The following OR5I1 variants were observed in gnomAD, a reference collection of about 807,000 sequenced individuals.
The protein encoded by OR5I1 is olfactory receptor 5I1.
For synonymous variants in OR5I1, 163 were observed against 145.5 expected (o/e 1.12, Z -0.87); for missense variants, 425 against 367.6 (o/e 1.16, Z -1.28).
chr11:55,936,065 T>C lies in OR5I1; in HGVS notation c.336A>G (p.Thr112=), dbSNP rs769965897. The C allele has an allele frequency of 6.2e-7, 1 of 1,611,596 alleles. No individual in the cohort carries two copies. The change falls in exon 1 of 1, where the codon ACA becomes ACG. Residue 112 remains threonine (T), a synonymous_variant. Coordinates refer to ENST00000301532, the MANE Select transcript of OR5I1 (RefSeq NM_006637.1). ...QFYFFCTFAD[T]ESFILAAMAY... ...CCATGGCGGCCAGGATGAAGGATTC[T>C]GTATCTGCAAAAGTACAGAAAAAAT...
Position 55,935,715 on chromosome 11 carries a change from T to C in OR5I1, c.686A>G (p.Lys229Arg). Residue 229 changes from lysine to arginine, a missense_variant, in exon 1 of 1, where the codon AAG becomes AGG. Lys to Arg is a conservative substitution (Grantham distance 26). Coordinates refer to ENST00000301532, the MANE Select transcript of OR5I1 (RefSeq NM_006637.1). ...CTTCCTCCCACTGAAAGAGCGGATC[T>C]TTAAGACTGAGAGAAGAATGAAAAA... Reference protein sequence around the residue: ...SYFFILLSVLKIRSFSGRKKT... With the variant: ...SYFFILLSVLRIRSFSGRKKT... 1 of 1,609,360 alleles carries C rather than the reference T, an allele frequency of 6.2e-7. No individual in the cohort carries two copies. The highest frequency in any genetic ancestry group is 1.1e-5 in the South Asian group (1 of 90,758).
rs770379479 is a variant in OR5I1 at position 55,936,158 on chromosome 11, G to C, written c.243C>G (p.Pro81=). 2 of 1,612,112 alleles carry C rather than the reference G, an allele frequency of 1.2e-6. No homozygotes were observed. The highest frequency in any genetic ancestry group is 1.7e-6 in the Non-Finnish European group (2 of 1,178,938). The change falls in exon 1 of 1, where the codon CCC becomes CCG. Residue 81 remains proline (P), a synonymous_variant. Transcript: ENST00000301532. Reference sequence around the variant, plus strand: ...CCGAGAGGAAATTGACCAGCATTTTGGGAACAATGTCTGAGAAATAGCAAA... The same window carrying C: ...CCGAGAGGAAATTGACCAGCATTTTCGGAACAATGTCTGAGAAATAGCAAA... ...VDLCYFSDIV[P]KMLVNFLSEN...
At position 55,935,555 on chromosome 11, in the gene OR5I1, A is replaced by G. The variant is rs768731866; in HGVS notation, c.846T>C (p.Ile282=). The change falls in exon 1 of 1, where the codon ATT becomes ATC. Residue 282 remains isoleucine (I), a synonymous_variant. Coordinates refer to ENST00000301532, the MANE Select transcript of OR5I1 (RefSeq NM_006637.1). ...TDKIISVFYT[I]FIPVLNPLIY... Reference sequence around the variant, plus strand: ...TCAACGGATTCAGCACTGGAATGAAAATGGTGTAGAACACTGAGATAATTT... The same window carrying G: ...TCAACGGATTCAGCACTGGAATGAAGATGGTGTAGAACACTGAGATAATTT... 7 of 1,611,294 alleles carry G rather than the reference A, an allele frequency of 4.3e-6. No individual in the cohort carries two copies. The Admixed American group carries it at 1.2e-4, about 27-fold the overall frequency.
chr11:55,935,536 G>T lies in OR5I1; in HGVS notation c.865C>A (p.Pro289Thr). Residue 289 changes from proline (P) to threonine (T), a missense_variant, in exon 1 of 1, where the codon CCG becomes ACG. Coordinates refer to ENST00000301532, the MANE Select transcript of OR5I1 (RefSeq NM_006637.1). ...TTATTTCTCAAACTATAAATCAACG[G>T]ATTCAGCACTGGAATGAAAATGGTG... is the stretch of plus-strand genomic sequence containing the variant. ...FYTIFIPVLN[P>T]LIYSLRNKDV... is the part of the protein sequence containing the mutation. The T allele has an allele frequency of 6.2e-7, 1 of 1,610,594 alleles. No homozygotes were observed. The highest frequency in any genetic ancestry group is 2.2e-5 in the East Asian group (1 of 44,800).
rs1168985788 is a variant in OR5I1, at chr11:55,936,200, G to A, written c.201C>T (p.Asn67=). The part of the protein sequence containing the change: ...LQTPMYFFLS[N]LSFVDLCYFS... ...AATAGCAAAGGTCTACAAATGATAG[G>A]TTGCTAAGGAAAAAATACATGGGGG... Residue 67 remains asparagine, a synonymous_variant, in exon 1 of 1, where the codon AAC becomes AAT. Transcript: ENST00000301532. 6.2e-7 allele frequency: 1 copy of A among 1,612,108 alleles called. No homozygotes were observed. The highest frequency in any genetic ancestry group is 8.5e-7 in the Non-Finnish European group (1 of 1,178,920).
Position 55,935,770 on chromosome 11 carries a change from T to C in OR5I1, c.631A>G (p.Ile211Val), listed in dbSNP as rs1195758659. 4.3e-6 allele frequency: 7 copies of C among 1,609,734 alleles called. No homozygotes were observed. Among genetic ancestry groups the C allele is most frequent in the African/African-American group, 2.7e-5 (2 of 74,566 alleles). The change falls in exon 1 of 1, where the codon ATT (isoleucine) becomes GTT (valine). Residue 211 changes from isoleucine to valine, a missense_variant. Physicochemically the swap from Ile to Val is conservative, Grantham distance 29. Transcript: ENST00000301532. ...LSTYGSSVEIICFIIIIISYF... is the reference protein window; with the variant it reads ...LSTYGSSVEIVCFIIIIISYF... ...GAGATGATGATGATGATAAAACAAA[T>C]GATTTCCACTGAGCTGCCGTATGTG...
rs9665863 is a variant in OR5I1 at position 55,935,534 on chromosome 11, C to T, written c.867G>A (p.Pro289=). The T allele has an allele frequency of 5.0e-6, 8 of 1,609,884 alleles. No individual in the cohort carries two copies. The highest frequency in any genetic ancestry group is 2.7e-5 in the African/African-American group (2 of 74,656). The part of the protein sequence containing the change: ...FYTIFIPVLN[P]LIYSLRNKDV... Reference sequence around the variant, plus strand: ...CTTTATTTCTCAAACTATAAATCAACGGATTCAGCACTGGAATGAAAATGG... The same window carrying T: ...CTTTATTTCTCAAACTATAAATCAATGGATTCAGCACTGGAATGAAAATGG... Residue 289 remains proline, a synonymous_variant, in exon 1 of 1, where the codon CCG becomes CCA. Transcript: ENST00000301532.
rs1855153871 is a variant in OR5I1 at position 55,935,545 on chromosome 11, C to A, written c.856G>T (p.Val286Leu). The A allele has an allele frequency of 6.2e-7, 1 of 1,611,032 alleles. No individual in the cohort carries two copies. The highest frequency in any genetic ancestry group is 2.2e-5 in the East Asian group (1 of 44,800). ...AAACTATAAATCAACGGATTCAGCA[C>A]TGGAATGAAAATGGTGTAGAACACT... ...ISVFYTIFIP[V>L]LNPLIYSLRN... is the part of the protein sequence containing the mutation. The change falls in exon 1 of 1, where the codon GTG (valine) becomes TTG (leucine). Residue 286 changes from valine to leucine, a missense_variant. Physicochemically the swap from Val to Leu is conservative, Grantham distance 32. Coordinates refer to ENST00000301532, the MANE Select transcript of OR5I1 (RefSeq NM_006637.1).
rs763309466 is a variant in OR5I1, at chr11:55,936,030, C to T, written c.371G>A (p.Arg124His). The T allele has an allele frequency of 4.8e-5, 78 of 1,611,810 alleles. No individual in the cohort carries two copies. The highest frequency in any genetic ancestry group is 2.2e-4 in the East Asian group (10 of 44,822). ...SFILAAMAYD[R>H]YVAICNPLLY... ...TAAAGGGTTACAGATGGCGACATAG[C>T]GATCATAGGCCATGGCGGCCAGGAT... The change falls in exon 1 of 1, where the codon CGC (arginine) becomes CAC (histidine). Residue 124 changes from arginine to histidine, a missense_variant. Physicochemically the swap from Arg to His is conservative, Grantham distance 29. Transcript: ENST00000301532.
At position 55,935,761 on chromosome 11, in the gene OR5I1, T is replaced by C. The variant is rs754398346; in HGVS notation, c.640A>G (p.Ile214Val). 135 of 1,609,148 alleles carry C rather than the reference T, an allele frequency of 8.4e-5. No individual in the cohort carries two copies. The highest frequency in any genetic ancestry group is 1.2e-4 in the Admixed American group (7 of 59,440). ...YGSSVEIICFIIIIISYFFIL... is the reference protein window; with the variant it reads ...YGSSVEIICFVIIIISYFFIL... ...AAAAAGTAGGAGATGATGATGATGA[T>C]AAAACAAATGATTTCCACTGAGCTG... The change falls in exon 1 of 1, where the codon ATC becomes GTC. Residue 214 changes from isoleucine to valine, a missense_variant. Ile to Val is a conservative substitution (Grantham distance 29). Transcript: ENST00000301532.
chr11:55,935,550 A>G lies in OR5I1; in HGVS notation c.851T>C (p.Ile284Thr). ...KIISVFYTIF[I>T]PVLNPLIYSL... is the part of the protein sequence containing the mutation. ...ATAAATCAACGGATTCAGCACTGGA[A>G]TGAAAATGGTGTAGAACACTGAGAT... Residue 284 changes from isoleucine (I) to threonine (T), a missense_variant, in exon 1 of 1, where the codon ATT becomes ACT. Physicochemically the swap from Ile to Thr is moderately conservative, Grantham distance 89 (BLOSUM62 -1). Transcript: ENST00000301532. The G allele has an allele frequency of 6.2e-7, 1 of 1,611,286 alleles. No individual in the cohort carries two copies. Among genetic ancestry groups the G allele is most frequent in the East Asian group, 2.2e-5 (1 of 44,794 alleles).
rs1386095519 is a variant in OR5I1, at chr11:55,936,335, G to A, written c.66C>T (p.Arg22=). 2 of 1,609,122 alleles carry A rather than the reference G, an allele frequency of 1.2e-6. No homozygotes were observed. Among genetic ancestry groups the A allele is most frequent in the Non-Finnish European group, 1.7e-6 (2 of 1,177,632 alleles). ...TEFILLGFPT[R]PELQIVLFLM... ...GGAACAGGACAATCTGCAGTTCAGG[G>A]CGAGTTGGAAAACCTAATAGAATAA... Residue 22 remains arginine (R), a synonymous_variant, in exon 1 of 1, where the codon CGC becomes CGT. Coordinates refer to ENST00000301532, the MANE Select transcript of OR5I1 (RefSeq NM_006637.1).
Position 55,936,212 on chromosome 11 carries a change from A to G in OR5I1, c.189T>C (p.Phe63=), listed in dbSNP as rs199577612. 1 of 1,612,244 alleles carries G rather than the reference A, an allele frequency of 6.2e-7. No individual in the cohort carries two copies. The highest frequency in any genetic ancestry group is 2.2e-5 in the East Asian group (1 of 44,814). ...CTACAAATGATAGGTTGCTAAGGAA[A>G]AAATACATGGGGGTTTGAAGGTGAG... ...IDPHLQTPMY[F]FLSNLSFVDL... The change falls in exon 1 of 1, where the codon TTT becomes TTC. Residue 63 remains phenylalanine, a synonymous_variant. Coordinates refer to ENST00000301532, the MANE Select transcript of OR5I1 (RefSeq NM_006637.1).
rs1290863161 is a variant in OR5I1 at position 55,935,893 on chromosome 11, A to G, written c.508T>C (p.Tyr170His). ...VHTSFAFILK[Y>H]CDKNVINHFF... ...TGATTAATAACATTTTTGTCACAAT[A>G]TTTCAGAATAAAGGCAAAGGATGTG... Residue 170 changes from tyrosine (Y) to histidine (H), a missense_variant, in exon 1 of 1, where the codon TAT becomes CAT. By Grantham distance (83) the Tyr-to-His change is moderately conservative. Transcript: ENST00000301532. The G allele has an allele frequency of 2.5e-6, 4 of 1,611,706 alleles. No homozygotes were observed. In the South Asian group the frequency reaches 4.4e-5, roughly 18 times the overall value.
At position 55,936,358 on chromosome 11, in the gene OR5I1, TA is replaced by T. The variant is rs778969869; in HGVS notation, c.42del (p.Phe14LeufsTer4). The T allele has an allele frequency of 6.3e-7, 1 of 1,599,266 alleles. No individual in the cohort carries two copies. Among genetic ancestry groups the T allele is most frequent in the Admixed American group, 1.7e-5 (1 of 57,704 alleles). ...GGGCGAGTTGGAAAACCTAATAGAA[TA>T]AACTCAGTGACCAACGTGTAGTTTC... The part of the protein sequence containing the change: ...TDRNYTLVTE[F>X]ILLGFPTRPE... On this transcript the variant is annotated frameshift_variant, in exon 1 of 1. Coordinates refer to ENST00000301532, the MANE Select transcript of OR5I1 (RefSeq NM_006637.1). LOFTEE classifies it low-confidence loss of function (END_TRUNC).
rs747286756 is a variant in OR5I1, at chr11:55,936,340, T to C, written c.61A>G (p.Thr21Ala). The C allele has an allele frequency of 2.2e-5, 35 of 1,608,254 alleles. No individual in the cohort carries two copies. Among genetic ancestry groups the C allele is most frequent in the Non-Finnish European group, 2.8e-5 (33 of 1,177,304 alleles). The change falls in exon 1 of 1, where the codon ACT (threonine) becomes GCT (alanine). Residue 21 changes from threonine to alanine, a missense_variant. By Grantham distance (58) the Thr-to-Ala change is moderately conservative (BLOSUM62 0). Coordinates refer to ENST00000301532, the MANE Select transcript of OR5I1 (RefSeq NM_006637.1). ...VTEFILLGFP[T>A]RPELQIVLFL... ...AGGACAATCTGCAGTTCAGGGCGAG[T>C]TGGAAAACCTAATAGAATAAACTCA...
chr11:55,935,609 G>C lies in OR5I1; in HGVS notation c.792C>G (p.Pro264=), dbSNP rs1855154911. 2.5e-6 allele frequency: 4 copies of C among 1,611,466 alleles called. No individual in the cohort carries two copies. Among genetic ancestry groups the C allele is most frequent in the Non-Finnish European group, 3.4e-6 (4 of 1,178,710 alleles). The change falls in exon 1 of 1, where the codon CCC becomes CCG. Residue 264 remains proline, a synonymous_variant. Coordinates refer to ENST00000301532, the MANE Select transcript of OR5I1 (RefSeq NM_006637.1). ...CAGTGTTTGGAGAATACAGGTAGCT[G>C]GGCCGTGAGTAAATAAAGAGGAGAG... ...QGTLLFIYSR[P]SYLYSPNTDK...
rs758297822 is a variant in OR5I1 at position 55,935,831 on chromosome 11, G to A, written c.570C>T (p.Ser190=). The stretch of plus-strand genomic sequence containing the variant: ...ACTCATTAATTGTTGTGTCAGTGCA[G>A]GATAGTTTAAGCAGGGGAGGGAGGT... The part of the protein sequence containing the change: ...FCDLPPLLKL[S]CTDTTINEWL... The change falls in exon 1 of 1, where the codon TCC becomes TCT. Residue 190 remains serine (S), a synonymous_variant. Transcript: ENST00000301532. 10 of 1,611,882 alleles carry A rather than the reference G, an allele frequency of 6.2e-6. No individual in the cohort carries two copies. The South Asian group carries it at 7.7e-5, about 12-fold the overall frequency.
chr11:55,936,351 A>G lies in OR5I1; in HGVS notation c.50T>C (p.Leu17Ser). The change falls in exon 1 of 1, where the codon TTA becomes TCA. Residue 17 changes from leucine to serine, a missense_variant. Physicochemically the swap from Leu to Ser is moderately radical, Grantham distance 145. Transcript: ENST00000301532. ...NYTLVTEFIL[L>S]GFPTRPELQI... Reference sequence around the variant, plus strand: ...CAGTTCAGGGCGAGTTGGAAAACCTAATAGAATAAACTCAGTGACCAACGT... The same window carrying G: ...CAGTTCAGGGCGAGTTGGAAAACCTGATAGAATAAACTCAGTGACCAACGT... The G allele has an allele frequency of 1.9e-6, 3 of 1,605,262 alleles. No homozygotes were observed. The highest frequency in any genetic ancestry group is 2.2e-5 in the South Asian group (2 of 89,696).
Sources: gnomAD v4.1 joint callset for allele counts on GRCh38, gnomAD v4.1.1 for gene constraint, MANE v1.5 for transcripts, NCBI Gene and HGNC (gene_info 2026-07-23, HGNC 2026-07-21) for gene names.